Variants in ZNF705G observed in about 807,000 individuals in gnomAD.
The protein encoded by ZNF705G is zinc finger protein 705G, also known as putative zinc finger protein 705G.
Under a neutral mutation model 19.6 loss-of-function variants are expected in ZNF705G, and 23 were observed. The ratio of observed to expected loss-of-function variants is 1.17; its 90% CI spans 0.84 to 1.66. ZNF705G has a LOEUF of 1.66. ZNF705G is among the 40% of genes most tolerant of loss of function. The pLI, the probability that ZNF705G is intolerant of heterozygous loss-of-function variation, is 0.00. For synonymous variants in ZNF705G, 146 were observed against 117.7 expected (o/e 1.24, Z -1.56); for missense variants, 457 against 354.4 (o/e 1.29, Z -2.32).
In ZNF705G at chr8:7,358,026, C is replaced by A; in HGVS notation, c.853G>T (p.Ala285Ser). ...AAGGCCTTCCCACATAGAAGACAAG[C>A]ATGTGGTTTCTCTCCAGTGTGAATT... is the stretch of plus-strand genomic sequence containing the variant. The part of the protein sequence containing the change: ...KIIHTGEKPH[A>S]CLLCGKAFSL... The change falls in exon 7 of 7, where the codon GCT becomes TCT. Residue 285 changes from alanine (A) to serine (S), a missense_variant. Ala to Ser is a moderately conservative substitution (Grantham distance 99). Coordinates refer to ENST00000400156, the MANE Select transcript of ZNF705G (RefSeq NM_001164457.3). The A allele has an allele frequency of 6.2e-7, 1 of 1,608,940 alleles. No homozygotes were observed. The highest frequency in any genetic ancestry group is 8.5e-7 in the Non-Finnish European group (1 of 1,179,788).
chr8:7,360,757 C>G (rs1256601806), intron 4 of ZNF705G, among the ~76,000 whole-genome samples: 1 of 149,452 alleles, frequency 6.7e-6, no homozygotes. Flanking sequence ...TAATTGGTCT[C>G]AGCCTAAGCA....
At chr8:7,382,434 A>G (rs1395455517) in intron 1 of ZNF705G, among the ~76,000 whole-genome samples, 1 of 146,766 alleles carries the variant, frequency 6.8e-6, no homozygotes, top group Non-Finnish European at 1.5e-5. Context: ...AAATTATTAT[A>G]AAATAGTGAT....
intron 2 of ZNF705G, among the ~76,000 whole-genome samples, chr8:7,369,170 G>A (rs1361892614): frequency 1.3e-4 from 20 of 149,476 alleles, no homozygotes; most frequent in East Asian, 1.9e-4. Flanking sequence ...TTCAGTTATC[G>A]CCACTGGGTC....
At position 7,368,199 on chromosome 8, in the gene ZNF705G, T is replaced by G. The variant is rs140743067; in HGVS notation, c.-71-5182A>C. On this transcript the variant is annotated intron_variant, in intron 2 of 6. Coordinates refer to ENST00000400156, the MANE Select transcript of ZNF705G (RefSeq NM_001164457.3). ...AAAACTTCATTCTGGAGACACTCCC[T>G]GTTCAATCTGATTGGATTTTTGAGA... Among the ~76,000 whole-genome samples, 1,398 of 149,568 alleles carry G rather than the reference T, an allele frequency of 9.3e-3. 18 individuals carry two copies. The highest frequency in any genetic ancestry group is 0.031 in the Middle Eastern group (9 of 292).
rs544630487 is a variant in ZNF705G at position 7,374,825 on chromosome 8, C to A, written c.-72+6627G>T. Among the ~76,000 whole-genome samples, 401 of 85,082 alleles carry A rather than the reference C, an allele frequency of 4.7e-3. 130 individuals are homozygous for A. The highest frequency in any genetic ancestry group is 0.022 in the African/African-American group (387 of 17,788). The allele number at this position is 85,082 out of a possible 152,430, so 55.8% of individuals were successfully genotyped here. ...TAAGGTAGGTGACTAGACAAGACAG[C>A]CTATGTTCATTGTAACTCTATCTTT... On this transcript the variant is annotated intron_variant, in intron 2 of 6. Coordinates refer to ENST00000400156, the MANE Select transcript of ZNF705G (RefSeq NM_001164457.3).
intron 2 of ZNF705G, among the ~76,000 whole-genome samples, chr8:7,381,058 A>G (rs1308930970): frequency 7.4e-6 from 1 of 135,280 alleles, no homozygotes; most frequent in Non-Finnish European, 1.5e-5. Flanking sequence ...AAAAAACACA[A>G]CACATCTTTG....
At chr8:7,359,253 T>G (rs1441702145) in intron 6 of ZNF705G, among the ~76,000 whole-genome samples, 1 of 149,772 alleles carries the variant, frequency 6.7e-6, no homozygotes. Context: ...CTAAAATGAT[T>G]GAGACTTGTC....
intron 2 of ZNF705G, among the ~76,000 whole-genome samples, chr8:7,368,232 T>G (rs573427174): frequency 6.7e-6 from 1 of 149,770 alleles, no homozygotes; most frequent in Non-Finnish European, 1.5e-5. Flanking sequence ...AGACTACTAC[T>G]AAAAACCCTC....
Position 7,357,169 on chromosome 8 carries a change from T to C in ZNF705G, c.*807A>G, listed in dbSNP as rs1806310016. On this transcript the variant is annotated 3_prime_UTR_variant, in exon 7 of 7. Coordinates refer to ENST00000400156, the MANE Select transcript of ZNF705G (RefSeq NM_001164457.3). ...AAGATGCTAACCATGTTTTGTCCAG[T>C]GAGAAATCTCACATGTGCCACATGT... is the stretch of plus-strand genomic sequence containing the variant. 6.6e-6 allele frequency: 1 copy of C among 150,724 alleles called. No individual in the cohort carries two copies. The highest frequency in any genetic ancestry group is 1.5e-5 in the Non-Finnish European group (1 of 68,152). 9.3% of individuals were successfully genotyped at this position (150,724 alleles called of 1,614,324 possible).
intron 2 of ZNF705G, among the ~76,000 whole-genome samples, chr8:7,365,773 C>A (rs1806828093): frequency 6.7e-6 from 1 of 149,568 alleles, no homozygotes; most frequent in Non-Finnish European, 1.5e-5. Context: ...CTTGTGACTT[C>A]CTAGCCCTTT....
At chr8:7,366,794 T>C (rs1266873390) in intron 2 of ZNF705G, among the ~76,000 whole-genome samples, 1 of 149,460 alleles carries the variant, frequency 6.7e-6, no homozygotes, top group African/African-American at 2.6e-5. Context: ...ACCACACAAA[T>C]AGAATTTAAA....
intron 2 of ZNF705G, among the ~76,000 whole-genome samples, chr8:7,363,412 C>G (rs1806696420): frequency 6.7e-6 from 1 of 148,452 alleles, no homozygotes; most frequent in Non-Finnish European, 1.5e-5. Context: ...AGCTTTATGC[C>G]CTAGCAACGT....
At chr8:7,362,284 C>T (rs1806637967) in intron 3 of ZNF705G, among the ~76,000 whole-genome samples, 1 of 149,724 alleles carries the variant, frequency 6.7e-6, no homozygotes, top group Non-Finnish European at 1.5e-5. Context: ...AGGTTAATTA[C>T]CAAAAGGTAA....
chr8:7,382,438 T>C (rs1391782529), intron 1 of ZNF705G, among the ~76,000 whole-genome samples: 1 of 146,782 alleles, frequency 6.8e-6, no homozygotes, highest in Non-Finnish European at 1.5e-5. Flanking sequence ...TATTATAAAA[T>C]AGTGATATTG....
At chr8:7,358,992 T>C (rs1176382423) in intron 6 of ZNF705G, among the ~76,000 whole-genome samples, 1 of 149,684 alleles carries the variant, frequency 6.7e-6, no homozygotes, top group Non-Finnish European at 1.5e-5. Context: ...TTGTCTTATG[T>C]AAAATGCAGC....
rs3989724 is a variant in ZNF705G at position 7,366,266 on chromosome 8, C to G, written c.-71-3249G>C. Among the ~76,000 whole-genome samples, 43 of 149,052 alleles carry G rather than the reference C, an allele frequency of 2.9e-4. No individual in the cohort carries two copies. The East Asian group carries it at 7.7e-3, about 27-fold the overall frequency. On this transcript the variant is annotated intron_variant, in intron 2 of 6. Coordinates refer to ENST00000400156, the MANE Select transcript of ZNF705G (RefSeq NM_001164457.3). ...CATGGCTTCCAACATCCAATATATTCAAAGCAGTTCAGGAATGGTGAAAGT... is the reference window on the plus strand; with the variant it reads ...CATGGCTTCCAACATCCAATATATTGAAAGCAGTTCAGGAATGGTGAAAGT...
intron 2 of ZNF705G, among the ~76,000 whole-genome samples, chr8:7,374,146 T>G (rs1312819997): frequency 3.8e-5 from 4 of 106,664 alleles, no homozygotes; most frequent in East Asian, 3.0e-4. Context: ...TCCTTTGTAT[T>G]ACTTTCTAAA....
At position 7,360,382 on chromosome 8, in the gene ZNF705G, G is replaced by A. The variant is rs527985208; in HGVS notation, c.140-50C>T. On this transcript the variant is annotated intron_variant, in intron 4 of 6. Transcript: ENST00000400156. ...TTTTGAGTTCACTGTCAATAAATGT[G>A]CATTATCACCAAGTGTAATGCAGGC... 273 of 1,584,056 alleles carry A rather than the reference G, an allele frequency of 1.7e-4. 17 individuals are homozygous for A. The African/African-American group carries it at 1.8e-3, about 10-fold the overall frequency.
At position 7,357,648 on chromosome 8, in the gene ZNF705G, T is replaced by C. The variant is rs1431127849; in HGVS notation, c.*328A>G. 1.1e-5 allele frequency: 5 copies of C among 462,588 alleles called. 1 individual carries two copies. Among genetic ancestry groups the C allele is most frequent in the African/African-American group, 8.7e-5 (4 of 45,814 alleles). 28.7% of individuals were successfully genotyped at this position (462,588 alleles called of 1,614,324 possible). On this transcript the variant is annotated 3_prime_UTR_variant, in exon 7 of 7. Coordinates refer to ENST00000400156, the MANE Select transcript of ZNF705G (RefSeq NM_001164457.3). ...ACAAGTCTTTGGTACATACATGTCA[T>C]ACAATTTCTCTTCCATATGAATTTA... is the stretch of plus-strand genomic sequence containing the variant.
Sources: gnomAD v4.1 joint callset for allele counts (sites outside exome capture counted in the v4.1 genomes callset) on GRCh38, gnomAD v4.1.1 for gene constraint, MANE v1.5 for transcripts, NCBI Gene and HGNC (gene_info 2026-07-23, HGNC 2026-07-21) for gene names.